UNC13A: variants seen among roughly 807,000 people sequenced by gnomAD.
The protein encoded by UNC13A is unc-13 homolog A.
A neutral mutation model predicts 219.7 loss-of-function variants in UNC13A; 61 were observed. The ratio of observed to expected loss-of-function variants is 0.28; its 90% CI spans 0.23 to 0.34. The LOEUF (loss-of-function observed/expected upper bound fraction) is 0.34. UNC13A is among the 10% of genes least tolerant of loss of function. UNC13A has a pLI of 1.00. For missense variants in UNC13A, 1,476 were observed against 2,270.3 expected (o/e 0.65, Z 7.11); for synonymous variants, 920 against 884.6 (o/e 1.04, Z -0.71).
In UNC13A at chr19:17,624,961, G is replaced by C; in HGVS notation, c.4074-9C>G. The C allele has an allele frequency of 6.2e-7, 1 of 1,612,112 alleles. No individual in the cohort carries two copies. Among genetic ancestry groups the C allele is most frequent in the South Asian group, 1.1e-5 (1 of 90,886 alleles). On this transcript the variant is annotated splice_polypyrimidine_tract_variant and intron_variant, in intron 34 of 43. Coordinates refer to ENST00000519716, the MANE Select transcript of UNC13A (RefSeq NM_001080421.3). The stretch of plus-strand genomic sequence containing the variant: ...TGGCAAAGAGGGTCAGGCTGGGGAC[G>C]AGGGGCAGGTCTGAGAGAGGGCCCA...
At position 17,627,816 on chromosome 19, in the gene UNC13A, TG is replaced by T. The variant is rs1182026181; in HGVS notation, c.3831+46del. The T allele has an allele frequency of 6.5e-7, 1 of 1,549,286 alleles. No homozygotes were observed. Among genetic ancestry groups the T allele is most frequent in the Non-Finnish European group, 8.8e-7 (1 of 1,139,488 alleles). On this transcript the variant is annotated intron_variant, in intron 32 of 43. Transcript: ENST00000519716. This position sits in a 1 kb window ranked among gnomAD's most constrained non-coding sequence, Gnocchi z 4.7. ...TCAGGGGCCTGCAGGGACACAGTGG[TG>T]GGGGTGCCCCATCCCTTCTCCAGCC...
Position 17,638,124 on chromosome 19 carries a change from T to C in UNC13A, c.3081+959A>G, listed in dbSNP as rs563785174. Among the ~76,000 whole-genome samples the C allele has an allele frequency of 1.0e-3, 146 of 145,552 alleles. 1 individual carries two copies. The highest frequency in any genetic ancestry group is 3.6e-3 in the African/African-American group (141 of 38,984). On this transcript the variant is annotated intron_variant, in intron 25 of 43. Transcript: ENST00000519716. ...CACAGCCTCCTGAGATCCCACTATC[T>C]CAATACTAACCATCCCTGTTTGTAA...
chr19:17,648,391 C>G, intron 16 of UNC13A, 40 bp downstream of exon 16: 1 of 1,479,770 alleles, frequency 6.8e-7, no homozygotes, highest in Non-Finnish European at 9.0e-7. Context: ...CGGGGCTCCC[C>G]ACGCCAACCC....
Position 17,625,066 on chromosome 19 carries a change from G to A in UNC13A, c.4074-114C>T, listed in dbSNP as rs957061806. On this transcript the variant is annotated intron_variant, in intron 34 of 43. Transcript: ENST00000519716. Reference sequence around the variant, plus strand: ...AGATAGGAAAGAGGGCCCACAGCCTGTACAGGGACCCCTGGGTGGTTTGAT... The same window carrying A: ...AGATAGGAAAGAGGGCCCACAGCCTATACAGGGACCCCTGGGTGGTTTGAT... 68 of 1,465,998 alleles carry A rather than the reference G, an allele frequency of 4.6e-5. No individual in the cohort carries two copies. In the Middle Eastern group the frequency reaches 8.1e-4, roughly 17 times the overall value. The allele number at this position is 1,465,998 out of a possible 1,614,324, so 90.8% of individuals were successfully genotyped here.
In UNC13A at chr19:17,617,511, A is replaced by G. The variant is rs2076679166; in HGVS notation, c.4558+191T>C. On this transcript the variant is annotated intron_variant, in intron 41 of 43. Transcript: ENST00000519716. ...TTCCCAGGGGTTGACGATCACCTCCAGGCCTGTGACGTCAGAGGCCCCGCC... is the reference window on the plus strand; with the variant it reads ...TTCCCAGGGGTTGACGATCACCTCCGGGCCTGTGACGTCAGAGGCCCCGCC... Among the ~76,000 whole-genome samples, 4 of 152,096 alleles carry G rather than the reference A, an allele frequency of 2.6e-5. No individual in the cohort carries two copies. In the South Asian group the frequency reaches 8.3e-4, roughly 31 times the overall value.
intron 26 of UNC13A, among the ~76,000 whole-genome samples, chr19:17,633,613 C>T (rs1488111998): frequency 6.6e-6 from 1 of 152,094 alleles, no homozygotes; most frequent in Non-Finnish European, 1.5e-5. Flanking sequence ...ATGCAACTAT[C>T]TATCCCTCCA....
chr19:17,665,890 G>A (rs1423669594), intron 7 of UNC13A, among the ~76,000 whole-genome samples: 2 of 152,064 alleles, frequency 1.3e-5, no homozygotes, highest in Admixed American at 1.3e-4. Context: ...CAGAGTGAGG[G>A]GGCTGTCAGA....
chr19:17,613,013 C>G (rs1262371371), intron 41 of UNC13A, among the ~76,000 whole-genome samples: 1 of 152,102 alleles, frequency 6.6e-6, no homozygotes, highest in Non-Finnish European at 1.5e-5. Flanking sequence ...GGGCAGATAA[C>G]TTGAGGTCAA....
At chr19:17,615,666 G>C (rs1023316943) in intron 41 of UNC13A, among the ~76,000 whole-genome samples, 1 of 152,162 alleles carries the variant, frequency 6.6e-6, no homozygotes, top group African/African-American at 2.4e-5. Context: ...CTGGGTGACA[G>C]AGTGAGACTC....
intron 12 of UNC13A, 105 bp downstream of exon 12, chr19:17,652,525 TA>T: frequency 6.9e-7 from 1 of 1,449,754 alleles, no homozygotes; most frequent in Non-Finnish European, 9.7e-7. Context: ...GTCCCCTGTC[TA>T]AATGGAACCC....
In UNC13A at chr19:17,648,552, G is replaced by A; in HGVS notation, c.1695C>T (p.Thr565=). Residue 565 remains threonine (T), a synonymous_variant, in exon 16 of 44, where the codon ACC becomes ACT. Transcript: ENST00000519716. ...GCAGCCCCTCGCACTCGTAGCAGTA[G>A]GTGGGCGTGGTGGCCGTCCACACTT... ...NFEVWTATTP[T]YCYECEGLLW... is the part of the protein sequence containing the mutation. 3.7e-6 allele frequency: 6 copies of A among 1,614,102 alleles called. No homozygotes were observed. The highest frequency in any genetic ancestry group is 5.1e-6 in the Non-Finnish European group (6 of 1,180,022).
At chr19:17,632,623 A>G (rs562145600) in intron 28 of UNC13A, among the ~76,000 whole-genome samples, 159 bp downstream of exon 28, 2 of 152,288 alleles carry the variant, frequency 1.3e-5, no homozygotes, top group African/African-American at 4.8e-5. Flanking sequence ...GTAGGAGTCA[A>G]CTGCTCAATG....
intron 41 of UNC13A, 145 bp from the exon 42 acceptor site, chr19:17,612,000 G>A: frequency 1.6e-6 from 1 of 616,574 alleles, no homozygotes; most frequent in Non-Finnish European, 2.8e-6. Context: ...GGCCAGGATG[G>A]GAGGTGCTCT....
chr19:17,672,785 C>T (rs1301527148), intron 3 of UNC13A, among the ~76,000 whole-genome samples: 1 of 152,160 alleles, frequency 6.6e-6, no homozygotes, highest in African/African-American at 2.4e-5. Context: ...TTTCTGAGCC[C>T]TTCCTTGGGC....
intron 1 of UNC13A, among the ~76,000 whole-genome samples, chr19:17,678,154 G>T (rs2079935354): frequency 6.6e-6 from 1 of 152,168 alleles, no homozygotes; most frequent in African/African-American, 2.4e-5. Context: ...AAGAGCGGGG[G>T]AAGTGCGATG....
At chr19:17,660,074 TATTA>T (rs1054001498) in intron 8 of UNC13A, among the ~76,000 whole-genome samples, 1 of 152,054 alleles carries the variant, frequency 6.6e-6, no homozygotes, top group African/African-American at 2.4e-5. Context: ...TTTATTTATT[TATTA>T]TTTTGTAGAG....
At chr19:17,613,851 G>C (rs1329390928) in intron 41 of UNC13A, 3 of 150,470 alleles carry the variant, frequency 2.0e-5, no homozygotes, top group Non-Finnish European at 4.4e-5. Flanking sequence ...GAGTAGCTGG[G>C]ACTACAGGTG....
chr19:17,629,420 C>T, intron 30 of UNC13A, 97 bp from the exon 31 acceptor site: 1 of 1,135,888 alleles, frequency 8.8e-7, no homozygotes. Context: ...GTGATGAACC[C>T]AAACCCTATT....
chr19:17,666,213 T>C (rs894373384), intron 7 of UNC13A, among the ~76,000 whole-genome samples: 3 of 148,424 alleles, frequency 2.0e-5, no homozygotes, highest in African/African-American at 7.3e-5. Context: ...TTCTCTTTCT[T>C]TCCTTCCTTC....
Sources: allele counts gnomAD v4.1 joint callset (sites outside exome capture counted in the v4.1 genomes callset), GRCh38; gene constraint gnomAD v4.1.1; non-coding constraint Gnocchi (gnomAD v3.1); transcripts MANE v1.5; gene names NCBI Gene and HGNC (gene_info 2026-07-23, HGNC 2026-07-21).